TNR: variants seen among roughly 807,000 people sequenced by gnomAD.
The protein encoded by TNR is tenascin R, also known as tenascin-R.
Under a neutral mutation model 150.4 loss-of-function variants are expected in TNR, and 45 were observed. The ratio of observed to expected loss-of-function variants is 0.30; its 90% CI spans 0.24 to 0.38. The LOEUF (loss-of-function observed/expected upper bound fraction) is 0.38. Among genes scored for constraint, TNR ranks in the 10% least tolerant of loss-of-function variants. The pLI, the probability that TNR is intolerant of heterozygous loss-of-function variation, is 1.00. For synonymous variants in TNR, 687 were observed against 678.4 expected, an observed-to-expected ratio of 1.01 and a Z score of -0.20; for missense variants, 1,544 against 1,759.1, an observed-to-expected ratio of 0.88 and a Z score of 2.19.
rs778836274 is a variant in TNR at position 175,599,188 on chromosome 1, G to A, written c.-164-70819C>T. Among the ~76,000 whole-genome samples the A allele has an allele frequency of 4.6e-5, 7 of 152,128 alleles. No homozygotes were observed. The highest frequency in any genetic ancestry group is 6.5e-5 in the Admixed American group (1 of 15,280). On this transcript the variant is annotated intron_variant, in intron 1 of 22. Coordinates refer to ENST00000367674, the MANE Select transcript of TNR (RefSeq NM_003285.3). The surrounding 1 kb of genome is among the most constrained non-coding windows in gnomAD (Gnocchi z 4.7). ...GGGAGGAAGGAGAGCAGGAGGGAGG[G>A]GAAGCTGTCCCCAGCTGCCAGATGG...
At chr1:175,606,522 T>A (rs1341833729) in intron 1 of TNR, among the ~76,000 whole-genome samples, 1 of 152,212 alleles carries the variant, frequency 6.6e-6, no homozygotes. Flanking sequence ...TGGAAAGTAC[T>A]TTAACCTCTC....
chr1:175,686,378 G>A (rs2101914381), intron 1 of TNR, among the ~76,000 whole-genome samples: 1 of 152,318 alleles, frequency 6.6e-6, no homozygotes, highest in South Asian at 2.1e-4. Flanking sequence ...GAGAGCACTA[G>A]TAATGCTCAC....
chr1:175,625,108 C>T (rs1446006625), intron 1 of TNR, among the ~76,000 whole-genome samples: 3 of 152,254 alleles, frequency 2.0e-5, no homozygotes, highest in Non-Finnish European at 2.9e-5. Context: ...GGGACCTCTA[C>T]TTACCTGAAA....
intron 18 of TNR, among the ~76,000 whole-genome samples, chr1:175,344,655 TA>T (rs1650691195): frequency 6.6e-6 from 1 of 152,158 alleles, no homozygotes; most frequent in South Asian, 2.1e-4. Context: ...TTGTGCAAGA[TA>T]AAATGAAAAG....
At chr1:175,726,487 C>T (rs1667483937) in intron 1 of TNR, among the ~76,000 whole-genome samples, 1 of 152,214 alleles carries the variant, frequency 6.6e-6, no homozygotes, top group Non-Finnish European at 1.5e-5. Context: ...TCCTAAGGTA[C>T]CTGTAGTCAA....
rs74127305 is a variant in TNR, at chr1:175,473,972, T to G, written c.-64+54297A>C. 6.1e-3 allele frequency among the ~76,000 whole-genome samples: 936 copies of G among 152,312 alleles called. 9 individuals carry two copies. Among genetic ancestry groups the G allele is most frequent in the African/African-American group, 0.021 (891 of 41,558 alleles). On this transcript the variant is annotated intron_variant, in intron 2 of 22. Coordinates refer to ENST00000367674, the MANE Select transcript of TNR (RefSeq NM_003285.3). ...TGAGCTGTCAGTGCACAAGCCGTTC[T>G]GTGGAAGCAAGGCAGAGGGGTATCA...
chr1:175,609,600 T>C (rs1417522773), intron 1 of TNR, among the ~76,000 whole-genome samples: 1 of 152,202 alleles, frequency 6.6e-6, no homozygotes, highest in East Asian at 1.9e-4. Flanking sequence ...GCCCCTGTAC[T>C]CTTGGACTTG....
chr1:175,331,087 T>TTCCTTC (rs1571299751), intron 20 of TNR, among the ~76,000 whole-genome samples: 3 of 113,494 alleles, frequency 2.6e-5, no homozygotes, highest in East Asian at 2.8e-4. Flanking sequence ...CCTTCTTTCT[T>TTCCTTC]TCTTTCTTTC....
intron 1 of TNR, among the ~76,000 whole-genome samples, chr1:175,726,657 C>T (rs1325140032): frequency 6.6e-6 from 1 of 152,168 alleles, no homozygotes; most frequent in Non-Finnish European, 1.5e-5. Context: ...TAGGCAAGAT[C>T]TGCATTTGAG....
In TNR at chr1:175,705,315, CTGAAT is replaced by C. The variant is rs558951989; in HGVS notation, c.-165+37906_-165+37910del. Among the ~76,000 whole-genome samples, 39 of 152,106 alleles carry C rather than the reference CTGAAT, an allele frequency of 2.6e-4. No homozygotes were observed. The South Asian group carries it at 5.2e-3, about 20-fold the overall frequency. On this transcript the variant is annotated intron_variant, in intron 1 of 22. Transcript: ENST00000367674. ...TCTAGAATAAATTTTAAAATGTATGCTGAATTGAATTTTAGTTTTTTTCTTTTGTC... is the reference window on the plus strand; with the variant it reads ...TCTAGAATAAATTTTAAAATGTATGCTGAATTTTAGTTTTTTTCTTTTGTC...
intron 2 of TNR, among the ~76,000 whole-genome samples, chr1:175,518,335 T>C (rs1180602365): frequency 6.6e-6 from 1 of 152,158 alleles, no homozygotes; most frequent in Non-Finnish European, 1.5e-5. Flanking sequence ...CTAGTGAACG[T>C]CTCTCAGACT....
rs1236093041 is a variant in TNR, at chr1:175,435,213, G to A, written c.-63-28436C>T. Reference sequence around the variant, plus strand: ...AGTAGAAATACCAGTTAGGACGGGGGTGAGACATGAAGGTGGCTTGAACCT... The same window carrying A: ...AGTAGAAATACCAGTTAGGACGGGGATGAGACATGAAGGTGGCTTGAACCT... On this transcript the variant is annotated intron_variant, in intron 2 of 22. Coordinates refer to ENST00000367674, the MANE Select transcript of TNR (RefSeq NM_003285.3). 2.0e-5 allele frequency among the ~76,000 whole-genome samples: 3 copies of A among 152,182 alleles called. 1 individual carries two copies. Among genetic ancestry groups the A allele is most frequent in the African/African-American group, 4.8e-5 (2 of 41,458 alleles).
chr1:175,664,605 C>T (rs1665474681), intron 1 of TNR, among the ~76,000 whole-genome samples: 1 of 152,188 alleles, frequency 6.6e-6, no homozygotes, highest in Non-Finnish European at 1.5e-5. Context: ...CTTCTATTTT[C>T]TATAATTGCA....
At chr1:175,422,767 C>T (rs924864573) in intron 2 of TNR, among the ~76,000 whole-genome samples, 9 of 152,340 alleles carry the variant, frequency 5.9e-5, no homozygotes, top group African/African-American at 2.2e-4. Flanking sequence ...CTTTCCCTGC[C>T]ACATGTCCAT....
chr1:175,356,292 C>T lies in TNR; in HGVS notation c.3118+27G>A, dbSNP rs184466076. ...ATTTCCACAAAAGTCCCCAGGGATA[C>T]GGGTATGTAGGTGACCATGTACTCA... On this transcript the variant is annotated intron_variant, in intron 16 of 22. Coordinates refer to ENST00000367674, the MANE Select transcript of TNR (RefSeq NM_003285.3). 8.7e-5 allele frequency: 140 copies of T among 1,612,140 alleles called. No homozygotes were observed. The African/African-American group carries it at 9.1e-4, about 10-fold the overall frequency.
chr1:175,454,796 G>C (rs1003026872), intron 2 of TNR, among the ~76,000 whole-genome samples: 2 of 152,192 alleles, frequency 1.3e-5, no homozygotes, highest in Non-Finnish European at 2.9e-5. Flanking sequence ...TTAGCTGAAT[G>C]ATTTTAAACA....
chr1:175,599,242 G>C lies in TNR; in HGVS notation c.-164-70873C>G, dbSNP rs1054536109. Among the ~76,000 whole-genome samples, 1 of 152,210 alleles carries C rather than the reference G, an allele frequency of 6.6e-6. No homozygotes were observed. The highest frequency in any genetic ancestry group is 1.5e-5 in the Non-Finnish European group (1 of 68,042). ...GTGTCAGCTTGGCCTTGGCCACCTC[G>C]GGTCACCGCTCCTCCCTTTCAGGCG... On this transcript the variant is annotated intron_variant, in intron 1 of 22. Transcript: ENST00000367674. This position sits in a 1 kb window ranked among gnomAD's most constrained non-coding sequence, Gnocchi z 4.7.
chr1:175,622,020 T>A (rs1169190675), intron 1 of TNR, among the ~76,000 whole-genome samples: 1 of 152,260 alleles, frequency 6.6e-6, no homozygotes, highest in Admixed American at 6.5e-5. Context: ...ATTCACTCTG[T>A]GAGGATGTTA....
At chr1:175,647,736 C>A (rs1664849927) in intron 1 of TNR, among the ~76,000 whole-genome samples, 1 of 152,196 alleles carries the variant, frequency 6.6e-6, no homozygotes, top group African/African-American at 2.4e-5. Context: ...ACAGTGGGGC[C>A]TTCCTCACCT....
Sources: gnomAD v4.1 joint callset for allele counts (sites outside exome capture counted in the v4.1 genomes callset) on GRCh38, gnomAD v4.1.1 for gene constraint, Gnocchi (gnomAD v3.1) non-coding constraint, MANE v1.5 for transcripts, NCBI Gene and HGNC (gene_info 2026-07-23, HGNC 2026-07-21) for gene names.